The following GRIP1 variants were observed in gnomAD, a reference collection of about 807,000 sequenced individuals.
The protein encoded by GRIP1 is glutamate receptor interacting protein 1.
Under a neutral mutation model 129.9 loss-of-function variants are expected in GRIP1, and 45 were observed. That is an observed-to-expected ratio of 0.35 (90% CI 0.27 to 0.44). GRIP1 has a LOEUF of 0.44. GRIP1 is among the 20% of genes least tolerant of loss of function. The probability of loss-of-function intolerance (pLI) is 1.00; values close to 1 mark genes in which losing one functional copy is unlikely to be tolerated. For synonymous variants in GRIP1, 530 were observed against 520.8 expected (o/e 1.02, Z -0.24); for missense variants, 1,196 against 1,396.8 (o/e 0.86, Z 2.29).
chr12:66,581,912 A>G (rs1208653359), intron 2 of GRIP1, among the ~76,000 whole-genome samples: 1 of 152,194 alleles, frequency 6.6e-6, no homozygotes, highest in Non-Finnish European at 1.5e-5. Context: ...TTATGAGGCC[A>G]GCATCATCCT....
At chr12:66,530,296 A>G (rs965942113) in intron 4 of GRIP1, among the ~76,000 whole-genome samples, 1 of 152,218 alleles carries the variant, frequency 6.6e-6, no homozygotes, top group African/African-American at 2.4e-5. Context: ...TAACACTTGT[A>G]CAATAACTTC....
At chr12:66,632,180 T>C (rs1341994785) in intron 1 of GRIP1, among the ~76,000 whole-genome samples, 1 of 151,984 alleles carries the variant, frequency 6.6e-6, no homozygotes, top group African/African-American at 2.4e-5. Flanking sequence ...GGGACTGGAG[T>C]ATAATGAGAC....
At chr12:66,959,877 C>T (rs190769555) in intron 1 of GRIP1, among the ~76,000 whole-genome samples, 6 of 151,732 alleles carry the variant, frequency 4.0e-5, no homozygotes, top group Non-Finnish European at 8.8e-5. Context: ...AATATGAAAC[C>T]GATGTCACCA....
intron 1 of GRIP1, among the ~76,000 whole-genome samples, chr12:66,617,085 T>TTGTGTGTGTGTG (rs71436017): frequency 0.036 from 4,916 of 135,394 alleles, 109 homozygotes; most frequent in Non-Finnish European, 0.042. Flanking sequence ...AACAGACGTT[T>TTGTGTGTGTGTG]TGTGTGTGTG....
In GRIP1 at chr12:66,539,545, C is replaced by CTTTTTTTTTTTTTTT. The variant is rs35373698; in HGVS notation, c.273-337_273-323dup. Among the ~76,000 whole-genome samples the CTTTTTTTTTTTTTTT allele has an allele frequency of 7.0e-3, 414 of 59,296 alleles. 18 individuals carry two copies. The highest frequency in any genetic ancestry group is 8.4e-3 in the Non-Finnish European group (279 of 33,406). The allele number at this position is 59,296 out of a possible 152,430, so 38.9% of individuals were successfully genotyped here. A position where few individuals can be genotyped will look rare whatever the true frequency, so the allele number is the denominator to read the frequency against. On this transcript the variant is annotated intron_variant, in intron 3 of 24. Transcript: ENST00000359742. ...CACCATAAAACAAAATCAAGAGAAG[C>CTTTTTTTTTTTTTTT]TTTTTTTTTTTTTTTTTTTTTTTTC...
chr12:66,720,112 T>G (rs1270164170), intron 1 of GRIP1, among the ~76,000 whole-genome samples: 1 of 152,178 alleles, frequency 6.6e-6, no homozygotes, highest in Non-Finnish European at 1.5e-5. Flanking sequence ...ACCTTGGAGA[T>G]ATTGCGGATT....
intron 15 of GRIP1, 130 bp downstream of exon 15, chr12:66,420,590 A>T (rs564669691): frequency 1.4e-6 from 1 of 707,886 alleles, no homozygotes; most frequent in Non-Finnish European, 2.6e-6. Flanking sequence ...TGATCAATTA[A>T]TAGTGGCTGC....
At chr12:66,872,441 C>G (rs968935678) in intron 1 of GRIP1, among the ~76,000 whole-genome samples, 1 of 152,066 alleles carries the variant, frequency 6.6e-6, no homozygotes, top group Non-Finnish European at 1.5e-5. Context: ...CCTGACAATT[C>G]TGTGAGCTAT....
chr12:66,876,221 TAAAG>T (rs1387782888), intron 1 of GRIP1, among the ~76,000 whole-genome samples: 2 of 152,020 alleles, frequency 1.3e-5, no homozygotes, highest in Non-Finnish European at 2.9e-5. Context: ...AAATTTAAAA[TAAAG>T]AACTTGAATT....
chr12:66,910,198 CTTCT>C (rs1174959018), intron 1 of GRIP1, among the ~76,000 whole-genome samples: 1 of 152,186 alleles, frequency 6.6e-6, no homozygotes, highest in Non-Finnish European at 1.5e-5. Context: ...ATTCTCCTTC[CTTCT>C]GTCTTTCTGG....
At chr12:66,589,831 G>T (rs1321156318) in intron 2 of GRIP1, among the ~76,000 whole-genome samples, 1 of 152,092 alleles carries the variant, frequency 6.6e-6, no homozygotes, top group Non-Finnish European at 1.5e-5. Flanking sequence ...GATAAGAAAA[G>T]AGTATTAATA....
chr12:66,623,005 T>A (rs187393686), intron 1 of GRIP1, among the ~76,000 whole-genome samples: 2 of 152,174 alleles, frequency 1.3e-5, no homozygotes, highest in African/African-American at 4.8e-5. Context: ...CATGAGGACA[T>A]TGAGCATGAT....
intron 1 of GRIP1, among the ~76,000 whole-genome samples, chr12:66,839,428 A>G (rs1420977373): frequency 6.6e-6 from 1 of 152,196 alleles, no homozygotes; most frequent in East Asian, 1.9e-4. Context: ...TAATTCTGCA[A>G]GTTAATTGCA....
intron 1 of GRIP1, among the ~76,000 whole-genome samples, chr12:67,045,210 C>G (rs1407905748): frequency 6.6e-6 from 1 of 152,084 alleles, no homozygotes; most frequent in Non-Finnish European, 1.5e-5. Flanking sequence ...ACTTTATTCT[C>G]TGATTTTTTC....
intron 1 of GRIP1, among the ~76,000 whole-genome samples, chr12:66,797,701 G>C (rs1157456659): frequency 6.6e-6 from 1 of 152,128 alleles, no homozygotes; most frequent in East Asian, 1.9e-4. Context: ...GTTCCAATCT[G>C]AGTTCTGGTC....
rs147169701 is a variant in GRIP1, at chr12:66,694,997, T to G, written c.-419-64661A>C. Among the ~76,000 whole-genome samples, 41 of 152,346 alleles carry G rather than the reference T, an allele frequency of 2.7e-4. No homozygotes were observed. In the East Asian group the frequency reaches 7.3e-3, roughly 27 times the overall value. On this transcript the variant is annotated intron_variant, in intron 1 of 4. Transcript: ENST00000538373. ...GTCTTACTGATAACTGTTGTTGTTATAATTTCATAAAACAAAGGCAAATCT... is the reference window on the plus strand; with the variant it reads ...GTCTTACTGATAACTGTTGTTGTTAGAATTTCATAAAACAAAGGCAAATCT...
intron 1 of GRIP1, among the ~76,000 whole-genome samples, chr12:66,769,733 A>G (rs1341206409): frequency 2.0e-5 from 3 of 152,070 alleles, no homozygotes; most frequent in Non-Finnish European, 4.4e-5. Flanking sequence ...TATAACAACC[A>G]ATGGTCTTTT....
intron 23 of GRIP1, among the ~76,000 whole-genome samples, chr12:66,364,713 A>G (rs2055031199): frequency 6.6e-6 from 1 of 152,088 alleles, no homozygotes; most frequent in Admixed American, 6.5e-5. Flanking sequence ...ATAATGGATC[A>G]CTCCTTTCAC....
chr12:66,870,675 G>C (rs372795911), intron 1 of GRIP1, among the ~76,000 whole-genome samples: 3 of 152,128 alleles, frequency 2.0e-5, no homozygotes, highest in East Asian at 1.9e-4. Context: ...AAAGGAGGTA[G>C]AGACTGGGTT....
Sources: gnomAD v4.1 joint callset for allele counts (sites outside exome capture counted in the v4.1 genomes callset) on GRCh38, gnomAD v4.1.1 for gene constraint, MANE v1.5 for transcripts, NCBI Gene and HGNC (gene_info 2026-07-23, HGNC 2026-07-21) for gene names.